Variants in PRKCH observed in about 807,000 individuals in gnomAD.
The protein encoded by PRKCH is protein kinase C eta.
A neutral mutation model predicts 82.5 loss-of-function variants in PRKCH; 28 were observed. The observed-to-expected ratio is 0.34, with a 90% confidence interval of 0.25 to 0.47. PRKCH has a LOEUF of 0.47. Among genes scored for constraint, PRKCH ranks in the 20% least tolerant of loss-of-function variants. The pLI is 1.00. For synonymous variants in PRKCH, 322 were observed against 327.4 expected, an observed-to-expected ratio of 0.98 and a Z score of 0.18; for missense variants, 705 against 881.8, an observed-to-expected ratio of 0.80 and a Z score of 2.54.
chr14:61,296,387 G>T (rs1284597132), intron 1 of PRKCH, among the ~76,000 whole-genome samples: 6 of 152,166 alleles, frequency 3.9e-5, no homozygotes, highest in African/African-American at 1.2e-4. Flanking sequence ...TTCTCCATGT[G>T]TGCTGTACCA....
At chr14:61,498,436 C>T (rs1886759976) in intron 10 of PRKCH, among the ~76,000 whole-genome samples, 1 of 152,216 alleles carries the variant, frequency 6.6e-6, no homozygotes. Context: ...CGTGACCACT[C>T]CTTGTCTGTG....
At chr14:61,338,005 G>A (rs1380273542) in intron 1 of PRKCH, among the ~76,000 whole-genome samples, 1 of 152,082 alleles carries the variant, frequency 6.6e-6, no homozygotes, top group African/African-American at 2.4e-5. Context: ...GGGCCTCCTC[G>A]CCTTCTTGTC....
At chr14:61,360,049 C>T (rs1440112635) in intron 1 of PRKCH, among the ~76,000 whole-genome samples, 1 of 152,228 alleles carries the variant, frequency 6.6e-6, no homozygotes, top group Admixed American at 6.5e-5. Context: ...GGCATTCTCT[C>T]ATCTTATCAT....
At chr14:61,238,958 A>G (rs1335168320) in intron 1 of PRKCH, among the ~76,000 whole-genome samples, 1 of 152,232 alleles carries the variant, frequency 6.6e-6, no homozygotes, top group Non-Finnish European at 1.5e-5. Context: ...CCCAGTCATT[A>G]TAAAGCTGGT....
In PRKCH at chr14:61,457,527, GA is replaced by G; in HGVS notation, c.1129del (p.Thr377GlnfsTer7). 1 of 1,614,076 alleles carries G rather than the reference GA, an allele frequency of 6.2e-7. No homozygotes were observed. The highest frequency in any genetic ancestry group is 8.5e-7 in the Non-Finnish European group (1 of 1,179,980). On this transcript the variant is annotated frameshift_variant, in exon 9 of 14. Coordinates refer to ENST00000332981, the MANE Select transcript of PRKCH (RefSeq NM_006255.5). LOFTEE classifies it high-confidence loss of function. ...ATAGGTGATGCTTGCAAGAGTAAAA[GA>G]AACAGGAGACCTCTATGCTGTGAAG... ...FGKVMLARVKETGDLYAVKVL... is the reference protein window; with the variant it reads ...FGKVMLARVKXTGDLYAVKVL...
chr14:61,518,435 C>CAA (rs112769256), intron 10 of PRKCH, among the ~76,000 whole-genome samples: 291 of 127,494 alleles, frequency 2.3e-3, no homozygotes, highest in African/African-American at 6.6e-3. Flanking sequence ...ATGTGGAATG[C>CAA]AAAAAAAAAA....
In PRKCH at chr14:61,287,204, TAAAAAAAAAAAAA is replaced by T. The variant is rs35045657; in HGVS notation, c.-19+99554_-19+99566del. Among the ~76,000 whole-genome samples the T allele has an allele frequency of 1.2e-3, 67 of 57,932 alleles. 1 individual carries two copies. The highest frequency in any genetic ancestry group is 3.1e-3 in the African/African-American group (51 of 16,316). The allele number at this position is 57,932 out of a possible 152,430, so 38.0% of individuals were successfully genotyped here. A position where few individuals can be genotyped will look rare whatever the true frequency, so the allele number is the denominator to read the frequency against. ...TGAGCAACAGTGCAAGACTCCGTCTTAAAAAAAAAAAAAAAAAAAAAAAAAAAAAAGATAAACC... is the reference window on the plus strand; with the variant it reads ...TGAGCAACAGTGCAAGACTCCGTCTTAAAAAAAAAAAAAAAAAGATAAACC... On this transcript the variant is annotated intron_variant, in intron 1 of 3. Transcript: ENST00000555185.
At chr14:61,467,580 A>G (rs764980069) in intron 9 of PRKCH, among the ~76,000 whole-genome samples, 5 of 152,240 alleles carry the variant, frequency 3.3e-5, no homozygotes, top group Non-Finnish European at 5.9e-5. Context: ...GCCCTGTGAC[A>G]GAGGGTTAGA....
At chr14:61,453,110 GT>G in intron 6 of PRKCH, 115 bp from the exon 7 acceptor site, 2 of 1,303,238 alleles carry the variant, frequency 1.5e-6, no homozygotes, top group Non-Finnish European at 2.2e-6. Flanking sequence ...AAATGATACT[GT>G]TCAGCCGGTA....
In PRKCH at chr14:61,549,789, G is replaced by C. The variant is rs754605698; in HGVS notation, c.2010G>C (p.Glu670Asp). Residue 670 changes from glutamate (E) to aspartate (D), a missense_variant, in exon 14 of 14, where the codon GAG (glutamate) becomes GAC (aspartate). Physicochemically the swap from Glu to Asp is conservative, Grantham distance 45. Transcript: ENST00000332981. Reference protein sequence around the residue: ...EGHLPMINQDEFRNFSYVSPE... With the variant: ...EGHLPMINQDDFRNFSYVSPE... ...ATCTTCCAATGATTAACCAGGATGA[G>C]TTTAGAAACTTTTCCTATGTGTCTC... The C allele has an allele frequency of 9.5e-5, 153 of 1,614,066 alleles. 1 individual carries two copies. Among genetic ancestry groups the C allele is most frequent in the Middle Eastern group, 1.6e-4 (1 of 6,062 alleles).
At chr14:61,487,878 G>A (rs572179215) in intron 10 of PRKCH, among the ~76,000 whole-genome samples, 3 of 151,920 alleles carry the variant, frequency 2.0e-5, no homozygotes, top group African/African-American at 7.2e-5. Context: ...AGCCAGCCGG[G>A]CGCGGTGGCT....
At chr14:61,452,607 A>C (rs1884563273) in intron 6 of PRKCH, among the ~76,000 whole-genome samples, 1 of 152,140 alleles carries the variant, frequency 6.6e-6, no homozygotes, top group Non-Finnish European at 1.5e-5. Context: ...AAGTTTTAAA[A>C]GTTGCCTTTC....
chr14:61,350,163 G>A (rs144473943), intron 1 of PRKCH, among the ~76,000 whole-genome samples: 398 of 152,242 alleles, frequency 2.6e-3, no homozygotes, highest in African/African-American at 9.2e-3. Context: ...TGCCCCCATT[G>A]TATTGTCTTT....
intron 1 of PRKCH, among the ~76,000 whole-genome samples, chr14:61,225,659 T>G (rs1270251000): frequency 1.3e-5 from 2 of 152,242 alleles, no homozygotes; most frequent in African/African-American, 4.8e-5. Context: ...ACCAAATTTC[T>G]TCCACTTTCA....
intron 1 of PRKCH, among the ~76,000 whole-genome samples, chr14:61,292,474 C>T (rs2045371912): frequency 6.6e-6 from 1 of 151,440 alleles, no homozygotes; most frequent in African/African-American, 2.4e-5. Flanking sequence ...GAGACCCTGT[C>T]TCAAAAAAAG....
intron 1 of PRKCH, among the ~76,000 whole-genome samples, chr14:61,246,231 C>G (rs1449437774): frequency 6.8e-6 from 1 of 148,120 alleles, no homozygotes; most frequent in East Asian, 2.0e-4. Context: ...CATGGCAAAA[C>G]CCCATCTCTA....
intron 10 of PRKCH, among the ~76,000 whole-genome samples, chr14:61,508,042 C>T (rs575546331): frequency 6.6e-6 from 1 of 152,240 alleles, no homozygotes; most frequent in African/African-American, 2.4e-5. Context: ...TCTCCAAACA[C>T]ATCAAGTTGC....
chr14:61,400,694 A>G (rs1332493245), intron 2 of PRKCH, among the ~76,000 whole-genome samples: 2 of 152,142 alleles, frequency 1.3e-5, no homozygotes, highest in Non-Finnish European at 2.9e-5. Flanking sequence ...GGGAGCCCTC[A>G]TTTTATTTTC....
chr14:61,384,746 T>C (rs762234950), intron 1 of PRKCH, among the ~76,000 whole-genome samples: 1 of 152,008 alleles, frequency 6.6e-6, no homozygotes, highest in Non-Finnish European at 1.5e-5. Flanking sequence ...AGAAATGCTT[T>C]CCCGAGTGGC....
Sources: allele counts gnomAD v4.1 joint callset (sites outside exome capture counted in the v4.1 genomes callset), GRCh38; gene constraint gnomAD v4.1.1; transcripts MANE v1.5; gene names NCBI Gene and HGNC (gene_info 2026-07-23, HGNC 2026-07-21).